The following NAAA variants were observed in gnomAD, a reference collection of about 807,000 sequenced individuals.
NAAA encodes N-acylethanolamine acid amidase.
In NAAA, 39 loss-of-function variants were observed where a neutral mutation model predicts 44.8. The ratio of observed to expected loss-of-function variants is 0.87; its 90% CI spans 0.67 to 1.14. The LOEUF (loss-of-function observed/expected upper bound fraction) is 1.14, where lower values mean the gene tolerates loss of function less well. NAAA is among the 50% of genes most tolerant of loss of function. NAAA has a pLI of 0.00. For missense variants in NAAA, 460 were observed against 467.8 expected, an observed-to-expected ratio of 0.98 and a Z score of 0.15; for synonymous variants, 178 against 191.3, an observed-to-expected ratio of 0.93 and a Z score of 0.58.
chr4:75,912,126 T>C (rs148739785), downstream of NAAA, among the ~76,000 whole-genome samples: 1 of 152,342 alleles, frequency 6.6e-6, no homozygotes, highest in African/African-American at 2.4e-5. Context: ...GTTGGATTAC[T>C]TAAATCATTT....
In NAAA at chr4:75,940,012, G is replaced by C; in HGVS notation, c.360C>G (p.Tyr120Ter). ...LADCLLVNLAYESSVFCTSIV... is the reference protein window; with the variant it reads ...LADCLLVNLA Reference sequence around the variant, plus strand: ...CTTGGGGCACTCACACGGAGGACTCGTAGGCCAGGTTGACCAGAAGGCAGT... The same window carrying C: ...CTTGGGGCACTCACACGGAGGACTCCTAGGCCAGGTTGACCAGAAGGCAGT... Residue 120 changes from tyrosine to a stop codon, truncating the protein, a stop_gained, in exon 2 of 11, where the codon TAC (tyrosine) becomes TAG (stop). Coordinates refer to ENST00000286733, the MANE Select transcript of NAAA (RefSeq NM_014435.4). LOFTEE classifies it high-confidence loss of function. The C allele has an allele frequency of 6.2e-7, 1 of 1,613,868 alleles. No homozygotes were observed.
At chr4:75,914,804 C>T (rs1725498829) in intron 10 of NAAA, 64 bp downstream of exon 10, 2 of 1,174,064 alleles carry the variant, frequency 1.7e-6, no homozygotes, top group Non-Finnish European at 2.5e-6. Context: ...ATGTTACCAC[C>T]CTCTGTAAGA....
chr4:75,928,434 G>A (rs1726929948), intron 4 of NAAA, among the ~76,000 whole-genome samples: 1 of 152,208 alleles, frequency 6.6e-6, no homozygotes, highest in Admixed American at 6.5e-5. Flanking sequence ...GACTTAGGGA[G>A]TGAGGGGTCA....
At chr4:75,920,039 AT>A in intron 7 of NAAA, 64 bp from the exon 8 acceptor site, 2 of 1,430,834 alleles carry the variant, frequency 1.4e-6, no homozygotes, top group Non-Finnish European at 2.0e-6. Flanking sequence ...ATCAGCTGTC[AT>A]TTTTGGGAGG....
At chr4:75,936,653 C>A (rs1416700925) in intron 2 of NAAA, among the ~76,000 whole-genome samples, 3 of 152,200 alleles carry the variant, frequency 2.0e-5, no homozygotes, top group Non-Finnish European at 4.4e-5. Flanking sequence ...TATATGAATT[C>A]CTCAGAGCAA....
At chr4:75,934,355 C>G (rs561718218) in intron 3 of NAAA, among the ~76,000 whole-genome samples, 1 of 152,032 alleles carries the variant, frequency 6.6e-6, no homozygotes, top group East Asian at 1.9e-4. Flanking sequence ...CTCACTCTGT[C>G]ACTGGGCTAG....
rs1345402342 is a variant in NAAA at position 75,936,163 on chromosome 4, A to G, written c.444T>C (p.Phe148=). 1 of 1,614,064 alleles carries G rather than the reference A, an allele frequency of 6.2e-7. No individual in the cohort carries two copies. The highest frequency in any genetic ancestry group is 1.7e-5 in the Admixed American group (1 of 60,016). ...IYHGRNLDYP[F]GNVLRKLTVD... ...CTGTCAGCTTGCGTAAGACATTCCCAAAAGGATAATCCAAATTCCGACCAT... is the reference window on the plus strand; with the variant it reads ...CTGTCAGCTTGCGTAAGACATTCCCGAAAGGATAATCCAAATTCCGACCAT... The change falls in exon 3 of 11, where the codon TTT becomes TTC. Residue 148 remains phenylalanine (F), a synonymous_variant. Transcript: ENST00000286733.
At chr4:75,924,870 T>TC (rs1308956828) in intron 5 of NAAA, among the ~76,000 whole-genome samples, 1 of 152,058 alleles carries the variant, frequency 6.6e-6, no homozygotes, top group Non-Finnish European at 1.5e-5. Flanking sequence ...AGATGACTAG[T>TC]CCCCCTTAAA....
At chr4:75,927,638 C>G (rs974659394) in intron 4 of NAAA, among the ~76,000 whole-genome samples, 1 of 75,350 alleles carries the variant, frequency 1.3e-5, no homozygotes, top group African/African-American at 3.3e-5. Flanking sequence ...TTAATGCCCC[C>G]CCCCCCCCCG....
chr4:75,910,730 C>A (rs747741633), downstream of NAAA, among the ~76,000 whole-genome samples: 1 of 152,186 alleles, frequency 6.6e-6, no homozygotes, highest in South Asian at 2.1e-4. Context: ...TTGGGGAGCA[C>A]AACAAATCCC....
At chr4:75,913,553 G>T, downstream of NAAA, 2 of 490,078 alleles carry the variant, frequency 4.1e-6, no homozygotes, top group Non-Finnish European at 5.3e-6. Flanking sequence ...TCCCTTGAAT[G>T]CTGACACTTA....
downstream of NAAA, among the ~76,000 whole-genome samples, chr4:75,912,398 C>G (rs776924531): frequency 2.4e-4 from 37 of 151,714 alleles, 1 homozygote; most frequent in South Asian, 1.0e-3. Context: ...ACTAAAAACA[C>G]CAAAAATTAG....
chr4:75,928,856 C>T (rs547837643), intron 4 of NAAA, among the ~76,000 whole-genome samples: 43 of 151,236 alleles, frequency 2.8e-4, no homozygotes, highest in Admixed American at 2.2e-3. Context: ...GGCGCGATCT[C>T]GGCTCACTGC....
At chr4:75,933,256 G>A (rs1210277279) in intron 3 of NAAA, among the ~76,000 whole-genome samples, 3 of 151,868 alleles carry the variant, frequency 2.0e-5, no homozygotes, top group African/African-American at 7.3e-5. Flanking sequence ...AGAAAAATTA[G>A]GTCAGTAATG....
intron 7 of NAAA, among the ~76,000 whole-genome samples, chr4:75,920,510 C>G (rs1476413972): frequency 6.6e-6 from 1 of 152,160 alleles, no homozygotes; most frequent in Non-Finnish European, 1.5e-5. Flanking sequence ...GGCTCTAGGG[C>G]TCCTGACCCT....
chr4:75,922,403 C>T (rs1025778312), intron 5 of NAAA, among the ~76,000 whole-genome samples: 13 of 150,700 alleles, frequency 8.6e-5, no homozygotes, highest in African/African-American at 3.2e-4. Context: ...AAGAAATGAT[C>T]TGTCCTAACT....
chr4:75,929,488 A>G lies in NAAA; in HGVS notation c.589+1726T>C, dbSNP rs555607765. 3.9e-5 allele frequency among the ~76,000 whole-genome samples: 6 copies of G among 152,324 alleles called. No homozygotes were observed. In the East Asian group the frequency reaches 9.7e-4, roughly 25 times the overall value. ...TCATTAAATGCATATGTTGTAGACT[A>G]ACTTGGTTATTTTTAACTGCTCATA... On this transcript the variant is annotated intron_variant, in intron 4 of 10. Coordinates refer to ENST00000286733, the MANE Select transcript of NAAA (RefSeq NM_014435.4).
intron 3 of NAAA, among the ~76,000 whole-genome samples, chr4:75,933,084 A>C (rs1166848144): frequency 6.6e-6 from 1 of 150,858 alleles, no homozygotes; most frequent in East Asian, 1.9e-4. Flanking sequence ...GCCGTGAGCC[A>C]AGATTGCACC....
chr4:75,913,619 G>A (rs1435191463), downstream of NAAA: 2 of 921,084 alleles, frequency 2.2e-6, no homozygotes, highest in African/African-American at 3.6e-5. Context: ...AGAACCATAA[G>A]ACTTCGGAGG....
Sources: allele counts gnomAD v4.1 joint callset (sites outside exome capture counted in the v4.1 genomes callset), GRCh38; gene constraint gnomAD v4.1.1; transcripts MANE v1.5; gene names NCBI Gene and HGNC (gene_info 2026-07-23, HGNC 2026-07-21).